Variants in NAALADL2 observed in about 807,000 individuals in gnomAD.
NAALADL2 encodes inactive N-acetylated-alpha-linked acidic dipeptidase-like protein 2.
Under a neutral mutation model 87.2 loss-of-function variants are expected in NAALADL2, and 76 were observed. The ratio of observed to expected loss-of-function variants is 0.87; its 90% CI spans 0.72 to 1.05. NAALADL2 has a LOEUF of 1.05. Ranked by LOEUF, NAALADL2 falls within the 50% of genes least tolerant of loss-of-function variation. The pLI is 0.00. For synonymous variants in NAALADL2, 354 were observed against 331.0 expected (o/e 1.07, Z -0.75); for missense variants, 1,089 against 945.8 (o/e 1.15, Z -1.99).
At chr3:174,972,083 A>C (rs908032106) in intron 1 of NAALADL2, among the ~76,000 whole-genome samples, 7 of 152,108 alleles carry the variant, frequency 4.6e-5, no homozygotes, top group Non-Finnish European at 1.0e-4. Context: ...CTCATTGGTC[A>C]CAGTCACCGC....
At chr3:174,975,813 A>C (rs1744285135) in intron 1 of NAALADL2, among the ~76,000 whole-genome samples, 1 of 152,182 alleles carries the variant, frequency 6.6e-6, no homozygotes. Context: ...AAAACATTGA[A>C]GACCTCAGTC....
intron 1 of NAALADL2, among the ~76,000 whole-genome samples, chr3:174,441,569 C>T (rs1714633198): frequency 6.6e-6 from 1 of 152,200 alleles, no homozygotes; most frequent in Non-Finnish European, 1.5e-5. Flanking sequence ...CCCAGGATGG[C>T]TTTCTTAAGG....
At chr3:174,750,969 T>C (rs775729935) in intron 3 of NAALADL2, among the ~76,000 whole-genome samples, 3 of 152,150 alleles carry the variant, frequency 2.0e-5, no homozygotes, top group Non-Finnish European at 4.4e-5. Flanking sequence ...TATTCACATA[T>C]ATTCTATAAG....
chr3:174,614,030 C>A (rs539333920), intron 2 of NAALADL2, among the ~76,000 whole-genome samples: 4 of 152,126 alleles, frequency 2.6e-5, no homozygotes, highest in Non-Finnish European at 4.4e-5. Context: ...GATGTCCTAT[C>A]CTGCTATAGC....
intron 11 of NAALADL2, among the ~76,000 whole-genome samples, chr3:175,692,479 C>G (rs1737185594): frequency 6.6e-6 from 1 of 152,054 alleles, no homozygotes; most frequent in Admixed American, 6.6e-5. Flanking sequence ...TGATCTTACA[C>G]TTATTTTTAG....
chr3:175,236,041 C>A (rs1745784981), intron 3 of NAALADL2, among the ~76,000 whole-genome samples: 1 of 152,130 alleles, frequency 6.6e-6, no homozygotes, highest in Admixed American at 6.5e-5. Flanking sequence ...AAAGAGATAT[C>A]CTATCACTGT....
At chr3:174,942,464 G>A (rs551799220) in intron 1 of NAALADL2, among the ~76,000 whole-genome samples, 7 of 152,096 alleles carry the variant, frequency 4.6e-5, no homozygotes, top group South Asian at 4.1e-4. Flanking sequence ...TGCCTTTAAC[G>A]TTCTTTCTTT....
intron 3 of NAALADL2, among the ~76,000 whole-genome samples, chr3:174,827,963 G>A (rs1223709748): frequency 6.6e-6 from 1 of 152,040 alleles, no homozygotes; most frequent in African/African-American, 2.4e-5. Flanking sequence ...CAAGAGGATC[G>A]CTTGAGGCCA....
rs547475840 is a variant in NAALADL2, at chr3:174,616,134, G to C, written c.-115+65497G>C. 1.0e-3 allele frequency among the ~76,000 whole-genome samples: 156 copies of C among 151,802 alleles called. 4 individuals are homozygous for C. The Middle Eastern group carries it at 0.02, about 20-fold the overall frequency. On this transcript the variant is annotated intron_variant, in intron 2 of 3. Coordinates refer to the NAALADL2 transcript ENST00000434257. ...ATCAGTCTTAGAGTATTTTTAGAGT[G>C]GTCACAGGGTCTTAAACACAATCGT... is the stretch of plus-strand genomic sequence containing the variant.
At chr3:174,806,264 A>T (rs530390629) in intron 3 of NAALADL2, among the ~76,000 whole-genome samples, 1 of 152,210 alleles carries the variant, frequency 6.6e-6, no homozygotes, top group Non-Finnish European at 1.5e-5. Flanking sequence ...GGAAAAGTCA[A>T]ACTCCTCTAC....
At chr3:175,015,751 T>C (rs558238577) in intron 1 of NAALADL2, among the ~76,000 whole-genome samples, 2 of 152,238 alleles carry the variant, frequency 1.3e-5, no homozygotes, top group South Asian at 4.1e-4. Flanking sequence ...TAGAATAACT[T>C]ATTTTGAAGA....
intron 2 of NAALADL2, among the ~76,000 whole-genome samples, chr3:174,734,503 A>G (rs1733001546): frequency 6.6e-6 from 1 of 152,136 alleles, no homozygotes; most frequent in South Asian, 2.1e-4. Flanking sequence ...CCTTCTTGTC[A>G]GGTTCTTACA....
intron 11 of NAALADL2, among the ~76,000 whole-genome samples, chr3:175,659,612 A>G (rs1011451846): frequency 6.6e-6 from 1 of 152,240 alleles, no homozygotes; most frequent in Non-Finnish European, 1.5e-5. Flanking sequence ...ATTTTAAAAA[A>G]GAAAACATTT....
chr3:175,536,774 A>G (rs1035440709), intron 9 of NAALADL2, among the ~76,000 whole-genome samples: 5 of 152,138 alleles, frequency 3.3e-5, no homozygotes, highest in African/African-American at 9.7e-5. Context: ...CTTCCTCTCA[A>G]AGTGCTGGGA....
intron 1 of NAALADL2, among the ~76,000 whole-genome samples, chr3:175,045,008 T>C (rs1754504251): frequency 6.6e-6 from 1 of 152,058 alleles, no homozygotes; most frequent in Non-Finnish European, 1.5e-5. Flanking sequence ...TGTTTATATA[T>C]GTTTATCAGT....
chr3:175,117,599 T>G (rs1043686611), intron 2 of NAALADL2, among the ~76,000 whole-genome samples: 3 of 149,880 alleles, frequency 2.0e-5, no homozygotes, highest in African/African-American at 7.5e-5. Flanking sequence ...TGGCGATCAT[T>G]AAAAAGTCAG....
intron 4 of NAALADL2, among the ~76,000 whole-genome samples, chr3:175,262,877 C>T (rs996697126): frequency 1.5e-4 from 23 of 151,498 alleles, no homozygotes; most frequent in African/African-American, 5.3e-4. Flanking sequence ...ATTAAGACAA[C>T]TTTTGAAGAC....
At chr3:174,830,953 A>G (rs1234526340) in intron 3 of NAALADL2, among the ~76,000 whole-genome samples, 4 of 150,968 alleles carry the variant, frequency 2.6e-5, no homozygotes, top group Non-Finnish European at 5.9e-5. Flanking sequence ...TTGTACATTG[A>G]TTTTGTATCC....
intron 2 of NAALADL2, among the ~76,000 whole-genome samples, chr3:175,100,521 T>C (rs998332549): frequency 1.3e-5 from 2 of 152,096 alleles, no homozygotes; most frequent in African/African-American, 2.4e-5. Context: ...TGATAAGAGA[T>C]TCACAAGCTA....
Sources: allele counts gnomAD v4.1 joint callset (sites outside exome capture counted in the v4.1 genomes callset), GRCh38; gene constraint gnomAD v4.1.1; transcripts MANE v1.5; gene names NCBI Gene and HGNC (gene_info 2026-07-23, HGNC 2026-07-21).